Variants in SETBP1 observed in about 807,000 individuals in gnomAD.
SETBP1 encodes the protein SET-binding protein.
In SETBP1, 9 loss-of-function variants were observed where a neutral mutation model predicts 101.0. That is an observed-to-expected ratio of 0.09 (90% CI 0.05 to 0.16). The LOEUF (loss-of-function observed/expected upper bound fraction) is 0.16. Among genes scored for constraint, SETBP1 ranks in the 10% least tolerant of loss-of-function variants. The pLI is 1.00. For synonymous variants in SETBP1, 818 were observed against 788.5 expected (o/e 1.04, Z -0.63); for missense variants, 1,858 against 2,033.8 (o/e 0.91, Z 1.66).
At chr18:44,707,197 C>G (rs1225149935) in intron 2 of SETBP1, among the ~76,000 whole-genome samples, 2 of 152,182 alleles carry the variant, frequency 1.3e-5, no homozygotes, top group African/African-American at 4.8e-5. Flanking sequence ...TTGCCACACC[C>G]TATAAAAGTA....
At chr18:44,721,082 G>A (rs918519863) in intron 2 of SETBP1, among the ~76,000 whole-genome samples, 5 of 152,204 alleles carry the variant, frequency 3.3e-5, no homozygotes. Context: ...CACATACAGA[G>A]AAGAGGCTGA....
chr18:44,710,425 G>A (rs1471318193), intron 2 of SETBP1, among the ~76,000 whole-genome samples: 1 of 151,156 alleles, frequency 6.6e-6, no homozygotes, highest in African/African-American at 2.4e-5. Context: ...CACAGCACAA[G>A]GCCTTGAAGC....
At chr18:44,725,484 C>T (rs2069686636) in intron 2 of SETBP1, among the ~76,000 whole-genome samples, 1 of 152,162 alleles carries the variant, frequency 6.6e-6, no homozygotes, top group Non-Finnish European at 1.5e-5. Flanking sequence ...TCAACCATAA[C>T]CAGCCTGCCC....
chr18:44,811,428 G>A (rs1315569381), intron 2 of SETBP1, among the ~76,000 whole-genome samples: 1 of 152,240 alleles, frequency 6.6e-6, no homozygotes, highest in Admixed American at 6.5e-5. Context: ...AAAGGAGGGA[G>A]ATATCAATGA....
chr18:45,061,940 ACTT>A (rs2073896851), intron 5 of SETBP1, among the ~76,000 whole-genome samples: 1 of 152,212 alleles, frequency 6.6e-6, no homozygotes, highest in Non-Finnish European at 1.5e-5. Flanking sequence ...GTGAAGACAC[ACTT>A]CTTATGTTTA....
intron 4 of SETBP1, among the ~76,000 whole-genome samples, chr18:44,954,969 G>T (rs981311179): frequency 1.3e-5 from 2 of 152,144 alleles, no homozygotes; most frequent in African/African-American, 2.4e-5. Context: ...GTAATTTTAT[G>T]AGCCTTATTT....
intron 5 of SETBP1, among the ~76,000 whole-genome samples, chr18:45,060,233 T>C (rs1390155016): frequency 1.3e-5 from 2 of 152,188 alleles, no homozygotes; most frequent in African/African-American, 4.8e-5. Flanking sequence ...CCTCCTGATA[T>C]ATATGAGTAA....
At chr18:44,927,236 GA>G (rs1599331969) in intron 3 of SETBP1, among the ~76,000 whole-genome samples, 1 of 152,166 alleles carries the variant, frequency 6.6e-6, no homozygotes, top group Non-Finnish European at 1.5e-5. Context: ...ATGATTCTCT[GA>G]TGAAGAGAGT....
chr18:44,687,401 C>T (rs1176086711), intron 1 of SETBP1, among the ~76,000 whole-genome samples: 1 of 152,146 alleles, frequency 6.6e-6, no homozygotes, highest in Non-Finnish European at 1.5e-5. Flanking sequence ...AGGATTAATG[C>T]CCTTTGCTAA....
intron 2 of SETBP1, among the ~76,000 whole-genome samples, chr18:44,852,511 C>T (rs1051402499): frequency 2.6e-5 from 4 of 152,142 alleles, no homozygotes; most frequent in African/African-American, 9.7e-5. Context: ...CTCTATGCCC[C>T]ATATATGGCC....
intron 2 of SETBP1, among the ~76,000 whole-genome samples, chr18:44,777,824 G>A (rs1442953223): frequency 1.3e-5 from 2 of 152,158 alleles, no homozygotes; most frequent in Non-Finnish European, 2.9e-5. Context: ...CCCATTTTGG[G>A]GCCAATGATA....
intron 3 of SETBP1, among the ~76,000 whole-genome samples, chr18:44,937,328 G>A (rs988152354): frequency 4.2e-4 from 64 of 150,950 alleles, no homozygotes; most frequent in Non-Finnish European, 7.6e-4. Context: ...AGTGGCGGGC[G>A]CCTGTAGTCC....
chr18:45,062,032 G>T (rs1293475958), intron 5 of SETBP1, among the ~76,000 whole-genome samples: 1 of 152,232 alleles, frequency 6.6e-6, no homozygotes, highest in Non-Finnish European at 1.5e-5. Flanking sequence ...TTGTGTGTGT[G>T]TGTGTGCATG....
chr18:44,754,383 A>C (rs552436959), intron 2 of SETBP1, among the ~76,000 whole-genome samples: 1 of 152,174 alleles, frequency 6.6e-6, no homozygotes, highest in Non-Finnish European at 1.5e-5. Flanking sequence ...AGTTTCATTA[A>C]TGCTAAGTTG....
chr18:44,773,676 C>T (rs2070924208), intron 2 of SETBP1, among the ~76,000 whole-genome samples: 2 of 152,070 alleles, frequency 1.3e-5, no homozygotes, highest in Non-Finnish European at 2.9e-5. Flanking sequence ...AACAAACAAA[C>T]AAGTAAACAA....
intron 2 of SETBP1, among the ~76,000 whole-genome samples, chr18:44,843,384 T>A (rs1472480637): frequency 6.6e-6 from 1 of 152,222 alleles, no homozygotes; most frequent in Non-Finnish European, 1.5e-5. Context: ...TTTTGGCTTC[T>A]GTCAACCATC....
At chr18:44,882,713 G>A (rs1043371867) in intron 3 of SETBP1, among the ~76,000 whole-genome samples, 2 of 152,156 alleles carry the variant, frequency 1.3e-5, no homozygotes, top group Non-Finnish European at 2.9e-5. Context: ...TGGGAAGGCA[G>A]ACATGGGATC....
chr18:44,927,065 AT>A (rs1387479203), intron 3 of SETBP1, among the ~76,000 whole-genome samples: 1 of 152,170 alleles, frequency 6.6e-6, no homozygotes, highest in Non-Finnish European at 1.5e-5. Flanking sequence ...TCTGGCCCTG[AT>A]TATCCATTTG....
intron 3 of SETBP1, among the ~76,000 whole-genome samples, chr18:44,900,418 T>C (rs758853617): frequency 1.3e-5 from 2 of 152,250 alleles, no homozygotes; most frequent in Non-Finnish European, 1.5e-5. Context: ...TTATGCTGCC[T>C]TATAGTTGTG....
Sources: allele counts gnomAD v4.1 joint callset (sites outside exome capture counted in the v4.1 genomes callset), GRCh38; gene constraint gnomAD v4.1.1; transcripts MANE v1.5; gene names NCBI Gene and HGNC (gene_info 2026-07-23, HGNC 2026-07-21).